Variants in ZNF451 observed in about 807,000 individuals in gnomAD.
ZNF451 encodes the protein zinc finger protein 451, also known as E3 SUMO-protein ligase ZNF451.
ZNF451 carries 80 observed loss-of-function variants against 107.1 expected under a neutral mutation model. The observed-to-expected ratio is 0.75, with a 90% CI of 0.62 to 0.90. ZNF451 has a LOEUF of 0.90. ZNF451 is among the 40% of genes least tolerant of loss of function. ZNF451 has a pLI of 0.00. For missense variants in ZNF451, 1,107 were observed against 1,236.2 expected, an observed-to-expected ratio of 0.90 and a Z score of 1.57; for synonymous variants, 362 against 406.5, an observed-to-expected ratio of 0.89 and a Z score of 1.32.
chr6:57,104,288 T>A, intron 3 of ZNF451: 3 of 985,400 alleles, frequency 3.0e-6, no homozygotes, highest in Non-Finnish European at 3.6e-6. Context: ...GCTCTTGATA[T>A]TGGCACTGTA....
At chr6:57,100,036 A>G (rs1829519165) in intron 3 of ZNF451, among the ~76,000 whole-genome samples, 1 of 152,214 alleles carries the variant, frequency 6.6e-6, no homozygotes, top group South Asian at 2.1e-4. Flanking sequence ...TGAGGTAACA[A>G]ATTATAACTT....
Position 57,101,879 on chromosome 6 carries a change from A to G in ZNF451, c.186+2738A>G, listed in dbSNP as rs1419135215. On this transcript the variant is annotated intron_variant, in intron 3 of 14. Coordinates refer to ENST00000370706, the MANE Select transcript of ZNF451 (RefSeq NM_001031623.3). ...GATGGTACTTCCCTTTTTGGACAAG[A>G]TGTGAAAGCTGTTGTTGCAGAAGAC... 3 of 1,550,460 alleles carry G rather than the reference A, an allele frequency of 1.9e-6. No individual in the cohort carries two copies. In the African/African-American group the frequency reaches 4.1e-5, roughly 21 times the overall value.
At chr6:57,111,379 T>G (rs956517765) in intron 3 of ZNF451, among the ~76,000 whole-genome samples, 1 of 151,518 alleles carries the variant, frequency 6.6e-6, no homozygotes, top group African/African-American at 2.4e-5. Flanking sequence ...TTGTTTTTTT[T>G]TTTTTGTTTT....
At chr6:57,144,059 A>G (rs930181259) in intron 9 of ZNF451, among the ~76,000 whole-genome samples, 2 of 152,060 alleles carry the variant, frequency 1.3e-5, no homozygotes, top group African/African-American at 2.4e-5. Flanking sequence ...GTTGGGGAGC[A>G]TGGCGAAAAG....
At position 57,118,109 on chromosome 6, in the gene ZNF451, A is replaced by G. The variant is rs146354759; in HGVS notation, c.187-6625A>G. 6.9e-4 allele frequency among the ~76,000 whole-genome samples: 105 copies of G among 152,276 alleles called. 1 individual carries two copies. Among genetic ancestry groups the G allele is most frequent in the African/African-American group, 2.4e-3 (100 of 41,556 alleles). On this transcript the variant is annotated intron_variant, in intron 3 of 14. Transcript: ENST00000370706. ...GGTAGCAACTTGAAATATCTTGATA[A>G]ATTTTCTGCAGCTTCTAGTCTCCAG...
Position 57,161,108 on chromosome 6 carries a change from G to T in ZNF451, c.3095G>T (p.Gly1032Val). Reference protein sequence around the residue: ...TKECDSDDNMGAKNTSIGEEF... With the variant: ...TKECDSDDNMVAKNTSIGEEF... ...GAATGTGACAGTGATGATAACATGG[G>T]TGCCAAAAATACTTCAATAGGAGAA... Residue 1032 changes from glycine to valine, a missense_variant, in exon 14 of 15, where the codon GGT becomes GTT. By Grantham distance (109) the Gly-to-Val change is moderately radical (BLOSUM62 -3). Coordinates refer to ENST00000370706, the MANE Select transcript of ZNF451 (RefSeq NM_001031623.3). The T allele has an allele frequency of 6.4e-7, 1 of 1,562,854 alleles. No homozygotes were observed.
chr6:57,100,412 G>A (rs2127938663), intron 3 of ZNF451, among the ~76,000 whole-genome samples: 1 of 152,290 alleles, frequency 6.6e-6, no homozygotes, highest in East Asian at 1.9e-4. Context: ...CTTTGGGGTA[G>A]TGAAGCTTGT....
At chr6:57,143,062 T>C (rs1333567889) in intron 9 of ZNF451, among the ~76,000 whole-genome samples, 2 of 152,148 alleles carry the variant, frequency 1.3e-5, no homozygotes, top group African/African-American at 2.4e-5. Flanking sequence ...TCTTTATATA[T>C]TCTAGATACA....
At position 57,147,497 on chromosome 6, in the gene ZNF451, C is replaced by T; in HGVS notation, c.1412C>T (p.Thr471Ile). The T allele has an allele frequency of 6.2e-7, 1 of 1,614,022 alleles. No homozygotes were observed. The highest frequency in any genetic ancestry group is 8.5e-7 in the Non-Finnish European group (1 of 1,179,970). ...CAGAAAGAAAAATCAGTAGTTAAAACCTGGTTCTGTGAATGCAATCAGCGA... is the reference window on the plus strand; with the variant it reads ...CAGAAAGAAAAATCAGTAGTTAAAATCTGGTTCTGTGAATGCAATCAGCGA... ...CVQKEKSVVK[T>I]WFCECNQRFP... Residue 471 changes from threonine to isoleucine, a missense_variant, in exon 10 of 15, where the codon ACC becomes ATC. Physicochemically the swap from Thr to Ile is moderately conservative, Grantham distance 89. This residue lies in a region of ZNF451 where 608 missense variants were observed against 649.2 expected (regional missense o/e 0.94). Coordinates refer to ENST00000370706, the MANE Select transcript of ZNF451 (RefSeq NM_001031623.3).
chr6:57,153,347 C>T (rs1456700961), intron 12 of ZNF451, among the ~76,000 whole-genome samples: 1 of 151,354 alleles, frequency 6.6e-6, no homozygotes, highest in Admixed American at 6.6e-5. Context: ...AATTTAATGG[C>T]ATCTTATATT....
rs545298165 is a variant in ZNF451, at chr6:57,099,150, A to C, written c.186+9A>C. ...GCACCTCTTATACTGATGTAAGTACATTATATTTGATTTGTGTTTCTTCAC... is the reference window on the plus strand; with the variant it reads ...GCACCTCTTATACTGATGTAAGTACCTTATATTTGATTTGTGTTTCTTCAC... On this transcript the variant is annotated intron_variant, in intron 3 of 14. Coordinates refer to ENST00000370706, the MANE Select transcript of ZNF451 (RefSeq NM_001031623.3). The C allele has an allele frequency of 1.9e-6, 3 of 1,583,838 alleles. No individual in the cohort carries two copies. In the African/African-American group the frequency reaches 4.0e-5, roughly 21 times the overall value.
chr6:57,150,867 G>A lies in ZNF451; in HGVS notation c.2752+5G>A, dbSNP rs757988529. 9.3e-6 allele frequency: 15 copies of A among 1,612,736 alleles called. No individual in the cohort carries two copies. In the East Asian group the frequency reaches 1.3e-4, roughly 14 times the overall value. Reference sequence around the variant, plus strand: ...CATTTATTTGGGGCTTTCAAGGTACGGTTAATAAGAAAAACAAAAGAAAAC... The same window carrying A: ...CATTTATTTGGGGCTTTCAAGGTACAGTTAATAAGAAAAACAAAAGAAAAC... On this transcript the variant is annotated splice_donor_5th_base_variant and intron_variant, in intron 11 of 14. Coordinates refer to ENST00000370706, the MANE Select transcript of ZNF451 (RefSeq NM_001031623.3).
chr6:57,148,673 A>G lies in ZNF451; in HGVS notation c.2588A>G (p.Asp863Gly). 2 of 1,610,344 alleles carry G rather than the reference A, an allele frequency of 1.2e-6. No individual in the cohort carries two copies. The highest frequency in any genetic ancestry group is 1.7e-6 in the Non-Finnish European group (2 of 1,178,488). ...GACATGGAGAAAGGAGTTGAGAATGACCTAAGCTATCAGAATATAGGTATG... is the reference window on the plus strand; with the variant it reads ...GACATGGAGAAAGGAGTTGAGAATGGCCTAAGCTATCAGAATATAGGTATG... Reference protein sequence around the residue: ...SLDMEKGVENDLSYQNIEEEI... With the variant: ...SLDMEKGVENGLSYQNIEEEI... Residue 863 changes from aspartate (D) to glycine (G), a missense_variant, in exon 10 of 15, where the codon GAC becomes GGC. Physicochemically the swap from Asp to Gly is moderately conservative, Grantham distance 94. This residue lies in a region of ZNF451 where 608 missense variants were observed against 649.2 expected (regional missense o/e 0.94). Transcript: ENST00000370706.
chr6:57,098,963 T>G, intron 2 of ZNF451, 98 bp from the exon 3 acceptor site: 1 of 825,148 alleles, frequency 1.2e-6, no homozygotes, highest in Non-Finnish European at 2.0e-6. Flanking sequence ...TTCAGAGTAA[T>G]TCTTGCCAGT....
chr6:57,127,314 A>G (rs1303359045), intron 4 of ZNF451, among the ~76,000 whole-genome samples: 1 of 152,196 alleles, frequency 6.6e-6, no homozygotes, highest in African/African-American at 2.4e-5. Context: ...TGTTAAAACC[A>G]GTGTTTCTAT....
intron 9 of ZNF451, among the ~76,000 whole-genome samples, chr6:57,143,635 A>T (rs1303524462): frequency 6.6e-6 from 1 of 152,224 alleles, no homozygotes; most frequent in African/African-American, 2.4e-5. Context: ...TCAGTTAAAA[A>T]TACGTATCTC....
chr6:57,094,873 G>T (rs975380596), intron 2 of ZNF451, among the ~76,000 whole-genome samples: 9 of 152,116 alleles, frequency 5.9e-5, no homozygotes, highest in Non-Finnish European at 1.0e-4. Context: ...TGTGTTTAGA[G>T]AACCAAGTAT....
chr6:57,155,491 C>G (rs1228406071), intron 13 of ZNF451, among the ~76,000 whole-genome samples: 3 of 152,168 alleles, frequency 2.0e-5, no homozygotes, highest in Non-Finnish European at 4.4e-5. Context: ...TCGTCTCAAA[C>G]AAAAAGCAAA....
At chr6:57,142,738 A>G (rs1831833901) in intron 9 of ZNF451, among the ~76,000 whole-genome samples, 1 of 152,194 alleles carries the variant, frequency 6.6e-6, no homozygotes, top group East Asian at 1.9e-4. Context: ...TTGGTTCAGA[A>G]GTAGGTTTAT....
Sources: gnomAD v4.1 joint callset for allele counts (sites outside exome capture counted in the v4.1 genomes callset) on GRCh38, gnomAD v4.1.1 for gene constraint, gnomAD v4.1.1 regional missense constraint, MANE v1.5 for transcripts, NCBI Gene and HGNC (gene_info 2026-07-23, HGNC 2026-07-21) for gene names.